NFATC2: variants seen among roughly 807,000 people sequenced by gnomAD.
The protein encoded by NFATC2 is nuclear factor of activated T cells 2, also known as nuclear factor of activated T-cells, cytoplasmic 2.
Under a neutral mutation model 87.3 loss-of-function variants are expected in NFATC2, and 22 were observed. That is an observed-to-expected ratio of 0.25 (90% CI 0.18 to 0.36). The LOEUF (loss-of-function observed/expected upper bound fraction) is 0.36, where lower values mean the gene tolerates loss of function less well. Ranked by LOEUF, NFATC2 falls within the 10% of genes least tolerant of loss-of-function variation. NFATC2 has a pLI of 1.00. For missense variants in NFATC2, 1,149 were observed against 1,259.1 expected (o/e 0.91, Z 1.32); for synonymous variants, 565 against 542.2 (o/e 1.04, Z -0.58).
At position 51,432,027 on chromosome 20, in the gene NFATC2, C is replaced by A; in HGVS notation, c.2722+40G>T. On this transcript the variant is annotated intron_variant, in intron 9 of 10. Transcript: ENST00000371564. The surrounding 1 kb of genome is among the most constrained non-coding windows in gnomAD (Gnocchi z 4.6). ...CTTCCTGGGCAGAGATGCTTCAGGG[C>A]ACCATCCTTACAGGCAGTGACAAAA... The A allele has an allele frequency of 6.7e-7, 1 of 1,502,678 alleles. No homozygotes were observed. Among genetic ancestry groups the A allele is most frequent in the Middle Eastern group, 1.8e-4 (1 of 5,544 alleles). The allele number at this position is 1,502,678 out of a possible 1,614,324, so 93.1% of individuals were successfully genotyped here. A position where few individuals can be genotyped will look rare whatever the true frequency, so the allele number is the denominator to read the frequency against.
intron 10 of NFATC2, among the ~76,000 whole-genome samples, chr20:51,395,939 C>G (rs569904485): frequency 1.3e-5 from 2 of 151,034 alleles, no homozygotes; most frequent in African/African-American, 2.4e-5. Flanking sequence ...ATAGACAGTA[C>G]GCAAATGGGC....
At chr20:51,446,192 G>A (rs1263186613) in intron 6 of NFATC2, among the ~76,000 whole-genome samples, 2 of 152,182 alleles carry the variant, frequency 1.3e-5, no homozygotes, top group East Asian at 3.9e-4. Context: ...GATGGGTCTA[G>A]GGTAAGGACA....
chr20:51,486,645 C>T (rs1297829032), intron 3 of NFATC2, among the ~76,000 whole-genome samples: 4 of 133,794 alleles, frequency 3.0e-5, no homozygotes, highest in Non-Finnish European at 6.1e-5. Context: ...TCAGCACCTC[C>T]GACGGTATTT....
chr20:51,523,171 T>A lies in NFATC2; in HGVS notation c.1070A>T (p.Gln357Leu). ...PAVEFLGPCE[Q>L]GERRNSAPES... is the part of the protein sequence containing the mutation. ...TGGAGCCGAGTTTCTCCTCTCGCCC[T>A]GCTCGCAGGGCCCCAGGAACTCCAC... Residue 357 changes from glutamine to leucine, a missense_variant, in exon 2 of 11, where the codon CAG becomes CTG. By Grantham distance (113) the Gln-to-Leu change is moderately radical. This residue lies in a region of NFATC2 where 563 missense variants were observed against 585.2 expected (regional missense o/e 0.96). Transcript: ENST00000371564. This position sits in a 1 kb window ranked among gnomAD's most constrained non-coding sequence, Gnocchi z 6.9. 6.2e-7 allele frequency: 1 copy of A among 1,614,208 alleles called. No individual in the cohort carries two copies. Among genetic ancestry groups the A allele is most frequent in the South Asian group, 1.1e-5 (1 of 91,088 alleles).
At chr20:51,397,695 C>G (rs76960770) in intron 10 of NFATC2, among the ~76,000 whole-genome samples, 1,836 of 152,244 alleles carry the variant, frequency 0.012, 42 homozygotes, top group African/African-American at 0.043. Context: ...GTGCTCCTCC[C>G]CCCAGGGCTT....
chr20:51,517,191 A>T (rs533269835), intron 2 of NFATC2, among the ~76,000 whole-genome samples: 4 of 152,206 alleles, frequency 2.6e-5, no homozygotes, highest in African/African-American at 9.6e-5. Flanking sequence ...CTAGGCTACA[A>T]ACCTGTACAG....
At chr20:51,398,823 G>GCCCAGGAGGGAACTTAACC in intron 9 of NFATC2, 93 bp from the exon 10 acceptor site, 1 of 859,012 alleles carries the variant, frequency 1.2e-6, no homozygotes, top group East Asian at 2.5e-5. Context: ...TATCATCCAA[G>GCCCAGGAGGGAACTTAACC]CCCAGGAGGG....
In NFATC2 at chr20:51,508,775, C is replaced by CA. The variant is rs1255290157; in HGVS notation, c.1332+8008dup. ...ATGCCACCCCTCTTGCAGCCAGTCT[C>CA]AAAAAAATCCAGTTAGCCTGACTTT... On this transcript the variant is annotated intron_variant, in intron 3 of 10. Coordinates refer to ENST00000371564, the MANE Select transcript of NFATC2 (RefSeq NM_012340.5). Among the ~76,000 whole-genome samples the CA allele has an allele frequency of 3.9e-5, 6 of 152,146 alleles. No individual in the cohort carries two copies. The East Asian group carries it at 1.2e-3, about 29-fold the overall frequency.
At chr20:51,499,422 G>T (rs1242620866) in intron 3 of NFATC2, among the ~76,000 whole-genome samples, 1 of 152,142 alleles carries the variant, frequency 6.6e-6, no homozygotes. Context: ...AGATCACAAG[G>T]CAAAGAGAAG....
At chr20:51,463,872 T>C (rs1039990905) in intron 5 of NFATC2, among the ~76,000 whole-genome samples, 3 of 152,120 alleles carry the variant, frequency 2.0e-5, no homozygotes, top group Non-Finnish European at 4.4e-5. Context: ...ACATCGTAGG[T>C]GTTCAGAAGG....
At chr20:51,547,175 T>C (rs568176488), upstream of NFATC2, among the ~76,000 whole-genome samples, 2 of 152,204 alleles carry the variant, frequency 1.3e-5, no homozygotes, top group African/African-American at 4.8e-5. Flanking sequence ...GGGGCAAGGG[T>C]TGAAGCCGGA....
At chr20:51,543,151 A>G (rs2076853307), upstream of NFATC2, among the ~76,000 whole-genome samples, 1 of 152,114 alleles carries the variant, frequency 6.6e-6, no homozygotes, top group South Asian at 2.1e-4. Context: ...TGATTTTCAC[A>G]GTACTTCAGA....
intron 6 of NFATC2, among the ~76,000 whole-genome samples, chr20:51,441,487 A>T (rs1438475504): frequency 6.6e-6 from 1 of 151,792 alleles, no homozygotes; most frequent in Non-Finnish European, 1.5e-5. Flanking sequence ...AGGCCAAGGT[A>T]GGTGGACCAC....
chr20:51,398,143 C>A (rs971166595), intron 10 of NFATC2, among the ~76,000 whole-genome samples: 1 of 151,914 alleles, frequency 6.6e-6, no homozygotes, highest in Non-Finnish European at 1.5e-5. Context: ...ACAAGGAAGC[C>A]CCCCGGGAGG....
rs866334035 is a variant in NFATC2, at chr20:51,412,323, C to T, written c.2723-13593G>A. On this transcript the variant is annotated intron_variant, in intron 9 of 10. Coordinates refer to ENST00000371564, the MANE Select transcript of NFATC2 (RefSeq NM_012340.5). The stretch of plus-strand genomic sequence containing the variant: ...GTCTGCGACCAAAAGGGGTGGCCCT[C>T]TTAGATGCAGCCAAGCCGTCTGCAT... Among the ~76,000 whole-genome samples the T allele has an allele frequency of 5.9e-5, 9 of 152,278 alleles. No homozygotes were observed. In the South Asian group the frequency reaches 1.5e-3, roughly 25 times the overall value.
intron 3 of NFATC2, among the ~76,000 whole-genome samples, chr20:51,493,054 G>T (rs1016243754): frequency 6.6e-6 from 1 of 152,168 alleles, no homozygotes; most frequent in African/African-American, 2.4e-5. Flanking sequence ...GAACCATCTG[G>T]GTCCCAGTTT....
At chr20:51,507,081 T>C (rs1406328265) in intron 3 of NFATC2, among the ~76,000 whole-genome samples, 2 of 152,138 alleles carry the variant, frequency 1.3e-5, no homozygotes, top group Non-Finnish European at 2.9e-5. Flanking sequence ...CATGTGCTCA[T>C]TGTACCCCAT....
chr20:51,531,061 A>G (rs1356405390), intron 1 of NFATC2, among the ~76,000 whole-genome samples: 1 of 152,194 alleles, frequency 6.6e-6, no homozygotes, highest in Non-Finnish European at 1.5e-5. Flanking sequence ...AAATTACTTG[A>G]TCCTCACAGC....
intron 1 of NFATC2, among the ~76,000 whole-genome samples, chr20:51,557,228 G>C (rs1464245854): frequency 6.6e-6 from 1 of 152,170 alleles, no homozygotes. Flanking sequence ...CTGTAAAGTG[G>C]CTGGCCTTAG....
Sources: gnomAD v4.1 joint callset for allele counts (sites outside exome capture counted in the v4.1 genomes callset) on GRCh38, gnomAD v4.1.1 for gene constraint, gnomAD v4.1.1 regional missense constraint, Gnocchi (gnomAD v3.1) non-coding constraint, MANE v1.5 for transcripts, NCBI Gene and HGNC (gene_info 2026-07-23, HGNC 2026-07-21) for gene names.